SHTN1: variants seen among roughly 807,000 people sequenced by gnomAD.
The protein encoded by SHTN1 is shootin-1.
In SHTN1, 42 loss-of-function variants were observed where a neutral mutation model predicts 83.1. The ratio of observed to expected loss-of-function variants is 0.51; its 90% CI spans 0.39 to 0.65. The LOEUF (loss-of-function observed/expected upper bound fraction) is 0.65, where lower values mean the gene tolerates loss of function less well. Ranked by LOEUF, SHTN1 falls within the 30% of genes least tolerant of loss-of-function variation. The pLI is 0.00. For synonymous variants in SHTN1, 224 were observed against 247.7 expected (o/e 0.90, Z 0.90); for missense variants, 622 against 737.8 (o/e 0.84, Z 1.82).
intron 9 of SHTN1, among the ~76,000 whole-genome samples, chr10:116,930,232 ATTTT>A (rs1166878844): frequency 6.6e-6 from 1 of 151,948 alleles, no homozygotes; most frequent in African/African-American, 2.4e-5. Flanking sequence ...AGACACTTTA[ATTTT>A]TTTTAAGTTT....
At position 116,915,466 on chromosome 10, in the gene SHTN1, A is replaced by G. The variant is rs1174454129; in HGVS notation, c.1214T>C (p.Leu405Pro). The change falls in exon 13 of 17, where the codon CTA becomes CCA. Residue 405 changes from leucine to proline, a missense_variant. Around this residue, in one of 3 missense-constraint regions of SHTN1, gnomAD observed 8 missense variants for 30.5 expected, o/e 0.26. Transcript: ENST00000355371. ...CATCTCTTCAACTGCTTGCCTCTTT[A>G]GATCTGTGACTTCTTCAGCTGTTCA... is the stretch of plus-strand genomic sequence containing the variant. ...QPETTEEVTDLKRQAVEEMMD... is the reference protein window; with the variant it reads ...QPETTEEVTDPKRQAVEEMMD... The G allele has an allele frequency of 6.2e-7, 1 of 1,602,888 alleles. No individual in the cohort carries two copies. Among genetic ancestry groups the G allele is most frequent in the Non-Finnish European group, 8.5e-7 (1 of 1,170,034 alleles).
intron 16 of SHTN1, among the ~76,000 whole-genome samples, chr10:116,887,070 T>C (rs1272022128): frequency 6.6e-6 from 1 of 152,168 alleles, no homozygotes; most frequent in Non-Finnish European, 1.5e-5. Context: ...GCATGCTGAC[T>C]GCTGCCATTA....
At chr10:117,020,914 C>G (rs184124903) in intron 2 of SHTN1, among the ~76,000 whole-genome samples, 1 of 151,962 alleles carries the variant, frequency 6.6e-6, no homozygotes, top group Admixed American at 6.6e-5. Flanking sequence ...AAAATACAAC[C>G]AGTATCTAGG....
chr10:116,991,265 T>C (rs1227536390), intron 1 of SHTN1, among the ~76,000 whole-genome samples: 2 of 152,224 alleles, frequency 1.3e-5, no homozygotes, highest in African/African-American at 2.4e-5. Flanking sequence ...ACTCGTAATA[T>C]ATAACTTTAG....
At chr10:116,953,176 T>C (rs1270234521) in intron 5 of SHTN1, among the ~76,000 whole-genome samples, 1 of 152,224 alleles carries the variant, frequency 6.6e-6, no homozygotes. Flanking sequence ...TTCCAATAGT[T>C]ACTGAGCCAG....
At chr10:116,977,288 A>C (rs1277166314) in intron 2 of SHTN1, among the ~76,000 whole-genome samples, 1 of 152,168 alleles carries the variant, frequency 6.6e-6, no homozygotes, top group Non-Finnish European at 1.5e-5. Context: ...TTATATGAAG[A>C]CAACTGTTTG....
intron 1 of SHTN1, among the ~76,000 whole-genome samples, chr10:117,065,398 A>C (rs538384096): frequency 2.0e-5 from 3 of 152,130 alleles, no homozygotes; most frequent in South Asian, 4.2e-4. Context: ...TAAGAAAAGA[A>C]ATATTAGGCT....
intron 7 of SHTN1, among the ~76,000 whole-genome samples, chr10:116,945,224 G>A (rs964734701): frequency 2.6e-5 from 4 of 152,150 alleles, no homozygotes; most frequent in Admixed American, 2.6e-4. Context: ...CATACACTTT[G>A]AATAATCCCA....
At chr10:116,964,772 C>T (rs927145041) in intron 3 of SHTN1, among the ~76,000 whole-genome samples, 1 of 152,176 alleles carries the variant, frequency 6.6e-6, no homozygotes, top group African/African-American at 2.4e-5. Flanking sequence ...CACCTGAGGT[C>T]AGGAGTTCGA....
At chr10:116,965,953 C>A (rs1357910299) in intron 3 of SHTN1, among the ~76,000 whole-genome samples, 1 of 152,090 alleles carries the variant, frequency 6.6e-6, no homozygotes, top group Non-Finnish European at 1.5e-5. Context: ...ATTATTTATC[C>A]CAGATACAGT....
intron 4 of SHTN1, among the ~76,000 whole-genome samples, chr10:116,956,013 A>G (rs1849967067): frequency 6.6e-6 from 1 of 152,212 alleles, no homozygotes; most frequent in Non-Finnish European, 1.5e-5. Context: ...AAGCTCAAGG[A>G]CCCTCACTTG....
At chr10:116,911,982 T>C (rs1411395893) in intron 13 of SHTN1, 139 bp from the exon 14 acceptor site, 1 of 662,524 alleles carries the variant, frequency 1.5e-6, no homozygotes. Flanking sequence ...TAGGACTATG[T>C]CTTAAGGTTA....
intron 1 of SHTN1, among the ~76,000 whole-genome samples, chr10:117,071,245 G>A (rs115442304): frequency 5.1e-4 from 78 of 152,168 alleles, no homozygotes; most frequent in African/African-American, 1.8e-3. Context: ...TTGCATTGGT[G>A]AAATATTTAA....
chr10:117,083,214 C>A (rs954230835), intron 1 of SHTN1, among the ~76,000 whole-genome samples: 2 of 134,656 alleles, frequency 1.5e-5, no homozygotes, highest in Admixed American at 7.8e-5. Flanking sequence ...TTCAGGAGCT[C>A]TTTTAGGGCA....
At chr10:117,036,130 C>G (rs1852493567) in intron 2 of SHTN1, among the ~76,000 whole-genome samples, 2 of 151,846 alleles carry the variant, frequency 1.3e-5, no homozygotes, top group Non-Finnish European at 2.9e-5. Flanking sequence ...CAAAGGGGAG[C>G]AATAACAAAT....
chr10:116,946,868 C>T (rs1004503400), intron 7 of SHTN1, among the ~76,000 whole-genome samples: 29 of 151,558 alleles, frequency 1.9e-4, no homozygotes, highest in African/African-American at 7.0e-4. Flanking sequence ...CAGGCAGGTG[C>T]GTGCCACCAT....
intron 1 of SHTN1, among the ~76,000 whole-genome samples, chr10:117,098,489 T>C (rs1157647394): frequency 6.6e-6 from 1 of 151,904 alleles, no homozygotes; most frequent in East Asian, 1.9e-4. Context: ...AATTATTATA[T>C]GTAATCAGAT....
At chr10:117,089,668 G>C (rs188049904) in intron 1 of SHTN1, among the ~76,000 whole-genome samples, 108 of 152,088 alleles carry the variant, frequency 7.1e-4, no homozygotes, top group African/African-American at 2.4e-3. Flanking sequence ...TACGGAATGG[G>C]AGAAAATATT....
At chr10:116,922,304 A>T (rs2133365916) in intron 11 of SHTN1, among the ~76,000 whole-genome samples, 1 of 152,266 alleles carries the variant, frequency 6.6e-6, no homozygotes, top group East Asian at 1.9e-4. Flanking sequence ...AAAAAATCTG[A>T]TAATATCAAG....
Sources: gnomAD v4.1 joint callset for allele counts (sites outside exome capture counted in the v4.1 genomes callset) on GRCh38, gnomAD v4.1.1 for gene constraint, gnomAD v4.1.1 regional missense constraint, MANE v1.5 for transcripts, NCBI Gene and HGNC (gene_info 2026-07-23, HGNC 2026-07-21) for gene names.